The following MICU1 variants were observed in gnomAD, a reference collection of about 807,000 sequenced individuals.
MICU1 encodes the protein mitochondrial calcium uptake 1.
Under a neutral mutation model 56.8 loss-of-function variants are expected in MICU1, and 45 were observed. That is an observed-to-expected ratio of 0.79 (90% confidence interval 0.62 to 1.02). The LOEUF (loss-of-function observed/expected upper bound fraction) is 1.02, where lower values mean the gene tolerates loss of function less well. Among genes scored for constraint, MICU1 ranks in the 50% least tolerant of loss-of-function variants. MICU1 has a pLI of 0.00. For missense variants in MICU1, 504 were observed against 587.1 expected, an observed-to-expected ratio of 0.86 and a Z score of 1.46; for synonymous variants, 186 against 195.1, an observed-to-expected ratio of 0.95 and a Z score of 0.39.
At chr10:72,542,327 G>A (rs1377859670) in intron 4 of MICU1, among the ~76,000 whole-genome samples, 1 of 152,152 alleles carries the variant, frequency 6.6e-6, no homozygotes, top group Non-Finnish European at 1.5e-5. Context: ...GCAGTTGGCT[G>A]TAGATGGCCA....
chr10:72,436,807 G>C (rs778580892), intron 8 of MICU1, among the ~76,000 whole-genome samples: 1 of 152,074 alleles, frequency 6.6e-6, no homozygotes, highest in African/African-American at 2.4e-5. Flanking sequence ...GGAAGAAAGG[G>C]TATCAGTGAT....
At chr10:72,451,728 A>C (rs1344745778) in intron 8 of MICU1, among the ~76,000 whole-genome samples, 1 of 152,054 alleles carries the variant, frequency 6.6e-6, no homozygotes, top group Non-Finnish European at 1.5e-5. Context: ...TTTTTTATAG[A>C]GACAGGGTCT....
intron 6 of MICU1, among the ~76,000 whole-genome samples, chr10:72,482,330 T>C (rs139241742): frequency 2.4e-4 from 37 of 152,346 alleles, no homozygotes; most frequent in South Asian, 1.9e-3. Flanking sequence ...AAGTTTCTTA[T>C]TTTCTATTGG....
At chr10:72,522,182 C>A (rs1203170618) in intron 5 of MICU1, among the ~76,000 whole-genome samples, 1 of 151,986 alleles carries the variant, frequency 6.6e-6, no homozygotes, top group East Asian at 1.9e-4. Context: ...TCTTATAGAA[C>A]TTTATTTATG....
chr10:72,516,920 C>A (rs988535361), intron 5 of MICU1, among the ~76,000 whole-genome samples: 2 of 152,140 alleles, frequency 1.3e-5, no homozygotes, highest in African/African-American at 4.8e-5. Flanking sequence ...TTTTCAGAGG[C>A]ATGCTCTTGT....
chr10:72,430,206 T>C (rs908196173), intron 8 of MICU1, among the ~76,000 whole-genome samples: 4 of 152,228 alleles, frequency 2.6e-5, no homozygotes, highest in Non-Finnish European at 4.4e-5. Context: ...GCCTGTACTT[T>C]TTATGAATTT....
At chr10:72,442,498 A>T (rs1330665205) in intron 8 of MICU1, among the ~76,000 whole-genome samples, 1 of 152,168 alleles carries the variant, frequency 6.6e-6, no homozygotes, top group Admixed American at 6.5e-5. Flanking sequence ...AGGAGAATCC[A>T]ATCTATTTTA....
chr10:72,439,013 C>G (rs1314901120), intron 8 of MICU1, among the ~76,000 whole-genome samples: 1 of 152,060 alleles, frequency 6.6e-6, no homozygotes, highest in African/African-American at 2.4e-5. Context: ...CTATTCCAAT[C>G]AATAGAAAAA....
intron 5 of MICU1, chr10:72,524,104 A>T: frequency 1.6e-6 from 1 of 615,812 alleles, no homozygotes; most frequent in Non-Finnish European, 2.2e-6. Flanking sequence ...AAGTAGGAAC[A>T]TAATATCCCA....
At chr10:72,525,147 T>C (rs982018922) in intron 5 of MICU1, among the ~76,000 whole-genome samples, 2 of 146,966 alleles carry the variant, frequency 1.4e-5, no homozygotes, top group Non-Finnish European at 3.0e-5. Flanking sequence ...GATACCCACA[T>C]TGGTATTAAA....
At chr10:72,473,615 C>T (rs1242389477) in intron 8 of MICU1, among the ~76,000 whole-genome samples, 1 of 152,032 alleles carries the variant, frequency 6.6e-6, no homozygotes, top group Non-Finnish European at 1.5e-5. Context: ...CACTCCAGTG[C>T]ACCGAACATG....
At chr10:72,624,139 A>T (rs1354077611) in intron 1 of MICU1, among the ~76,000 whole-genome samples, 3 of 152,212 alleles carry the variant, frequency 2.0e-5, no homozygotes, top group Non-Finnish European at 4.4e-5. Flanking sequence ...TAAATATTTC[A>T]ATTATAATTA....
At chr10:72,477,645 A>G in intron 6 of MICU1, 1 of 1,104,466 alleles carries the variant, frequency 9.1e-7, no homozygotes, top group South Asian at 1.4e-5. Flanking sequence ...TATTGCTGCA[A>G]AGTAAGAAGT....
At chr10:72,529,045 C>T (rs1338169205) in intron 5 of MICU1, among the ~76,000 whole-genome samples, 9 of 152,108 alleles carry the variant, frequency 5.9e-5, no homozygotes, top group Admixed American at 5.9e-4. Context: ...ATCAATACTT[C>T]CCTTTCTTGG....
At chr10:72,387,249 G>A (rs942430810) in intron 10 of MICU1, among the ~76,000 whole-genome samples, 3 of 152,212 alleles carry the variant, frequency 2.0e-5, no homozygotes, top group Non-Finnish European at 4.4e-5. Flanking sequence ...CTGAGGGTCA[G>A]AGTAGTGACC....
intron 5 of MICU1, chr10:72,523,845 A>G: frequency 3.3e-6 from 5 of 1,526,968 alleles, no homozygotes; most frequent in Non-Finnish European, 4.4e-6. Flanking sequence ...GTCTGTAAGT[A>G]TATATTCTTT....
rs1006147488 is a variant in MICU1, at chr10:72,402,632, G to A, written c.1180+5297C>T. On this transcript the variant is annotated intron_variant, in intron 10 of 11. Transcript: ENST00000361114. ...AAAAAATGATCGATAAAATCTTAGT[G>A]CTTTGGAGAGACTGAAAAATCAAAC... Among the ~76,000 whole-genome samples, 3 of 152,048 alleles carry A rather than the reference G, an allele frequency of 2.0e-5. No individual in the cohort carries two copies. In the East Asian group the frequency reaches 5.8e-4, roughly 29 times the overall value.
intron 11 of MICU1, among the ~76,000 whole-genome samples, chr10:72,372,019 G>A (rs113259157): frequency 0.053 from 7,930 of 149,970 alleles, 533 homozygotes; most frequent in African/African-American, 0.16. Flanking sequence ...TTATGCCCCC[G>A]CACTCCAGCC....
chr10:72,429,558 G>A (rs1170401867), intron 8 of MICU1, among the ~76,000 whole-genome samples: 1 of 152,002 alleles, frequency 6.6e-6, no homozygotes, highest in Non-Finnish European at 1.5e-5. Context: ...CCTGTACCCT[G>A]GCCATAATTA....
Sources: gnomAD v4.1 joint callset for allele counts (sites outside exome capture counted in the v4.1 genomes callset) on GRCh38, gnomAD v4.1.1 for gene constraint, MANE v1.5 for transcripts, NCBI Gene and HGNC (gene_info 2026-07-23, HGNC 2026-07-21) for gene names.